The following DST variants were observed in gnomAD, a reference collection of about 807,000 sequenced individuals.
DST encodes the protein dystonin.
Under a neutral mutation model 875.2 loss-of-function variants are expected in DST, and 253 were observed. That is an observed-to-expected ratio of 0.29 (90% CI 0.26 to 0.32). DST has a LOEUF of 0.32. Among genes scored for constraint, DST ranks in the 10% least tolerant of loss-of-function variants. The pLI is 1.00. For missense variants in DST, 8,287 were observed against 9,111.6 expected (o/e 0.91, Z 3.68); for synonymous variants, 3,124 against 3,197.1 (o/e 0.98, Z 0.77).
chr6:56,506,412 A>G (rs1226943341), intron 77 of DST, 31 bp downstream of exon 77: 30 of 1,551,060 alleles, frequency 1.9e-5, no homozygotes, highest in Admixed American at 1.8e-4. Flanking sequence ...CCTTCCAGCT[A>G]AGACCAGCAC....
intron 4 of DST, among the ~76,000 whole-genome samples, chr6:56,779,707 T>C (rs2099688053): frequency 6.6e-6 from 1 of 150,736 alleles, no homozygotes; most frequent in South Asian, 2.1e-4. Context: ...ATATGTGGCA[T>C]TAGTCTTCCT....
chr6:56,851,906 G>A, intron 3 of DST: 1 of 1,544,516 alleles, frequency 6.5e-7, no homozygotes, highest in Non-Finnish European at 8.7e-7. Flanking sequence ...ACAAATGACT[G>A]GCCCAACAAT....
intron 36 of DST, chr6:56,619,234 T>C: frequency 6.2e-7 from 1 of 1,613,626 alleles, no homozygotes; most frequent in South Asian, 1.1e-5. Flanking sequence ...TCTCTAAAAC[T>C]ATATTCTCTG....
At chr6:56,690,192 T>C (rs2099218271) in intron 9 of DST, among the ~76,000 whole-genome samples, 1 of 152,176 alleles carries the variant, frequency 6.6e-6, no homozygotes, top group Non-Finnish European at 1.5e-5. Flanking sequence ...GCCTTAAGGA[T>C]TTATTTAACC....
At chr6:56,933,433 C>G (rs902726276) in intron 2 of DST, among the ~76,000 whole-genome samples, 8 of 152,334 alleles carry the variant, frequency 5.3e-5, no homozygotes, top group African/African-American at 1.9e-4. Context: ...ATTCTCCTTG[C>G]TTGGCACCCT....
intron 49 of DST, among the ~76,000 whole-genome samples, chr6:56,581,033 C>A (rs1422431758): frequency 1.5e-5 from 2 of 134,452 alleles, no homozygotes; most frequent in Non-Finnish European, 3.1e-5. Flanking sequence ...AGGCTCCCAG[C>A]CAATTAGTGG....
At chr6:56,595,674 T>C (rs1455555201) in intron 47 of DST, among the ~76,000 whole-genome samples, 1 of 152,190 alleles carries the variant, frequency 6.6e-6, no homozygotes, top group African/African-American at 2.4e-5. Context: ...GTATCCTCAC[T>C]GTCTATAACA....
rs2098864504 is a variant in DST, at chr6:56,639,504, A to G, written c.2805T>C (p.Ala935=). The part of the protein sequence containing the change: ...WLNEKEEEEV[A]YDWSERNTNI... ...TGGTGTTTCTCTCACTCCAGTCATAAGCAACTTCCTCCTCTTCTTTTTCAT... is the reference window on the plus strand; with the variant it reads ...TGGTGTTTCTCTCACTCCAGTCATAGGCAACTTCCTCCTCTTCTTTTTCAT... Residue 935 remains alanine, a synonymous_variant, in exon 21 of 104, where the codon GCT becomes GCC. Transcript: ENST00000680361. 6.2e-7 allele frequency: 1 copy of G among 1,613,912 alleles called. No homozygotes were observed. Among genetic ancestry groups the G allele is most frequent in the Admixed American group, 1.7e-5 (1 of 60,016 alleles).
chr6:56,480,453 C>T (rs1358221620), intron 90 of DST, among the ~76,000 whole-genome samples: 5 of 152,154 alleles, frequency 3.3e-5, no homozygotes, highest in Admixed American at 1.3e-4. Context: ...TATGCCCTTC[C>T]AACCTAGTCT....
At chr6:56,632,754 G>A (rs970130860) in intron 28 of DST, 100 bp downstream of exon 28, 4 of 921,854 alleles carry the variant, frequency 4.3e-6, no homozygotes, top group Non-Finnish European at 6.9e-6. Flanking sequence ...CATAGGCTGG[G>A]TGATACAATA....
intron 37 of DST, among the ~76,000 whole-genome samples, chr6:56,611,935 G>A (rs1311415198): frequency 1.3e-5 from 2 of 152,184 alleles, no homozygotes; most frequent in South Asian, 2.1e-4. Flanking sequence ...TCATCCTTGC[G>A]CACTGCAGTC....
Position 56,553,644 on chromosome 6 carries a change from G to C in DST, c.15148C>G (p.Gln5050Glu), listed in dbSNP as rs976416907. ...DVEQKAENHV[Q>E]HLQSACASSH... ...CTTGCACAGGCCGACTGAAGGTGCT[G>C]GACATGATTCTCTAGAAATAAAATT... Residue 5050 changes from glutamine to glutamate, a missense_variant, in exon 61 of 104, where the codon CAG (glutamine) becomes GAG (glutamate). Physicochemically the swap from Gln to Glu is conservative, Grantham distance 29. This residue lies in a region of DST where 1,513 missense variants were observed against 1,677.8 expected (regional missense o/e 0.90). Coordinates refer to ENST00000680361, the MANE Select transcript of DST (RefSeq NM_001374736.1). The C allele has an allele frequency of 6.2e-7, 1 of 1,611,106 alleles. No homozygotes were observed. The highest frequency in any genetic ancestry group is 8.5e-7 in the Non-Finnish European group (1 of 1,179,260).
intron 85 of DST, 39 bp from the exon 86 acceptor site, chr6:56,489,648 A>C (rs779606395): frequency 7.5e-6 from 12 of 1,589,642 alleles, no homozygotes; most frequent in South Asian, 5.8e-5. Context: ...AAATTTTTCA[A>C]GCATATTATA....
intron 2 of DST, among the ~76,000 whole-genome samples, chr6:56,903,936 C>A (rs1167384842): frequency 6.6e-6 from 1 of 152,182 alleles, no homozygotes; most frequent in Non-Finnish European, 1.5e-5. Flanking sequence ...GACTCTGCAG[C>A]CACTATCTGG....
Position 56,555,631 on chromosome 6 carries a change from T to C in DST, c.14850A>G (p.Thr4950=). The C allele has an allele frequency of 1.2e-6, 2 of 1,613,996 alleles. No individual in the cohort carries two copies. The highest frequency in any genetic ancestry group is 3.3e-5 in the Admixed American group (2 of 60,022). ...GGCTTCTCAGCAGGCTTTGATACTGTGTGCTTTTAACAATGGCTTGGTCAA... is the reference window on the plus strand; with the variant it reads ...GGCTTCTCAGCAGGCTTTGATACTGCGTGCTTTTAACAATGGCTTGGTCAA... The part of the protein sequence containing the change: ...DWIDQAIVKS[T]QYQSLLRSLS... Residue 4950 remains threonine, a synonymous_variant, in exon 60 of 104, where the codon ACA becomes ACG. Coordinates refer to ENST00000680361, the MANE Select transcript of DST (RefSeq NM_001374736.1).
intron 69 of DST, among the ~76,000 whole-genome samples, chr6:56,518,016 T>A (rs939171023): frequency 2.6e-5 from 4 of 152,152 alleles, no homozygotes; most frequent in Non-Finnish European, 5.9e-5. Flanking sequence ...GCAACTAACA[T>A]TCTGCTATCA....
At chr6:56,807,028 A>G (rs1561935734) in intron 4 of DST, among the ~76,000 whole-genome samples, 1 of 151,274 alleles carries the variant, frequency 6.6e-6, no homozygotes, top group East Asian at 1.9e-4. Flanking sequence ...AAATGACTCA[A>G]TATTGATACT....
chr6:56,459,453 A>T (rs2094207772), intron 103 of DST, among the ~76,000 whole-genome samples, 186 bp from the exon 104 acceptor site: 1 of 152,174 alleles, frequency 6.6e-6, no homozygotes, highest in African/African-American at 2.4e-5. Context: ...CTAAGTAGAC[A>T]TAATATAGAA....
chr6:56,678,168 C>A (rs1368724036), intron 9 of DST, among the ~76,000 whole-genome samples: 7 of 152,234 alleles, frequency 4.6e-5, no homozygotes, highest in Non-Finnish European at 8.8e-5. Context: ...AGATGTGGCA[C>A]CTGGCCGTGT....
Sources: gnomAD v4.1 joint callset for allele counts (sites outside exome capture counted in the v4.1 genomes callset) on GRCh38, gnomAD v4.1.1 for gene constraint, gnomAD v4.1.1 regional missense constraint, MANE v1.5 for transcripts, NCBI Gene and HGNC (gene_info 2026-07-23, HGNC 2026-07-21) for gene names.